C6orf89: variants seen among roughly 807,000 people sequenced by gnomAD.
C6orf89 encodes the protein chromosome 6 open reading frame 89, also known as bombesin receptor-activated protein C6orf89.
In C6orf89, 29 loss-of-function variants were observed where a neutral mutation model predicts 40.7. The ratio of observed to expected loss-of-function variants is 0.71; its 90% CI spans 0.53 to 0.97. C6orf89 has a LOEUF of 0.97. C6orf89 is among the 50% of genes least tolerant of loss of function. The pLI, the probability that C6orf89 is intolerant of heterozygous loss-of-function variation, is 0.00. For missense variants in C6orf89, 392 were observed against 429.1 expected, an observed-to-expected ratio of 0.91 and a Z score of 0.76; for synonymous variants, 165 against 152.2, an observed-to-expected ratio of 1.08 and a Z score of -0.62.
chr6:36,876,903 A>G (rs1023970423), intron 1 of C6orf89, among the ~76,000 whole-genome samples: 2 of 152,196 alleles, frequency 1.3e-5, no homozygotes, highest in African/African-American at 4.8e-5. Flanking sequence ...AATCAAATCA[A>G]GAAATAAAAT....
chr6:36,875,093 C>T, intron 1 of C6orf89: 2 of 360,396 alleles, frequency 5.5e-6, no homozygotes, highest in South Asian at 6.6e-5. Flanking sequence ...AAGCTGCGCT[C>T]TGGTTGGAGT....
In C6orf89 at chr6:36,899,139, G is replaced by A. The variant is rs73732049; in HGVS notation, c.-19-287G>A. On this transcript the variant is annotated intron_variant, in intron 2 of 8. Coordinates refer to ENST00000480824, the MANE Select transcript of C6orf89 (RefSeq NM_001286635.2). ...TCATTAGTGCTTCAGAGTCCCATTAGGATATATTGTGCTCTAGACCAGTGC... is the reference window on the plus strand; with the variant it reads ...TCATTAGTGCTTCAGAGTCCCATTAAGATATATTGTGCTCTAGACCAGTGC... Among the ~76,000 whole-genome samples the A allele has an allele frequency of 5.0e-3, 766 of 152,286 alleles. 4 individuals are homozygous for A. In the Middle Eastern group the frequency reaches 0.054, roughly 11 times the overall value.
chr6:36,877,048 G>C (rs1462861714), intron 1 of C6orf89, among the ~76,000 whole-genome samples: 1 of 152,140 alleles, frequency 6.6e-6, no homozygotes, highest in East Asian at 1.9e-4. Flanking sequence ...GAGTTATAAA[G>C]TACGTATTTT....
At chr6:36,893,029 G>A (rs1761273414) in intron 1 of C6orf89, among the ~76,000 whole-genome samples, 1 of 151,982 alleles carries the variant, frequency 6.6e-6, no homozygotes, top group Non-Finnish European at 1.5e-5. Flanking sequence ...CTGTCTCCTG[G>A]GGTCACGCCA....
intron 4 of C6orf89, among the ~76,000 whole-genome samples, chr6:36,909,565 C>T (rs1474040612): frequency 2.0e-5 from 3 of 151,578 alleles, no homozygotes; most frequent in Non-Finnish European, 2.9e-5. Context: ...ATTTTTTCCC[C>T]ATTAAAAATT....
chr6:36,874,844 T>C, intron 1 of C6orf89: 3 of 1,528,048 alleles, frequency 2.0e-6, no homozygotes, highest in Non-Finnish European at 2.7e-6. Flanking sequence ...GACCCGTCGC[T>C]GCTGCACACT....
rs1365768947 is a variant in C6orf89 at position 36,923,341 on chromosome 6, C to T, written c.950-6C>T. ...ACATGCCTTCCTCTTGCTATTTCCC[C>T]TCAAGGCTATGTCGACACCACCCAC... On this transcript the variant is annotated splice_region_variant and splice_polypyrimidine_tract_variant and intron_variant, in intron 8 of 8. Coordinates refer to ENST00000480824, the MANE Select transcript of C6orf89 (RefSeq NM_001286635.2). 1 of 1,611,792 alleles carries T rather than the reference C, an allele frequency of 6.2e-7. No individual in the cohort carries two copies. Among genetic ancestry groups the T allele is most frequent in the South Asian group, 1.1e-5 (1 of 90,936 alleles).
chr6:36,899,666 A>T (rs1378649528), intron 3 of C6orf89, 33 bp downstream of exon 3: 2 of 1,587,872 alleles, frequency 1.3e-6, no homozygotes, highest in Non-Finnish European at 1.7e-6. Flanking sequence ...AATTGCTTCA[A>T]CAGAACACAA....
chr6:36,878,868 A>G (rs1404048968), intron 1 of C6orf89: 2 of 152,168 alleles, frequency 1.3e-5, no homozygotes, highest in East Asian at 1.9e-4. Context: ...CTTTTTGTCT[A>G]TAAATTTGTT....
At chr6:36,895,300 T>C (rs1761380082) in intron 2 of C6orf89, among the ~76,000 whole-genome samples, 1 of 152,220 alleles carries the variant, frequency 6.6e-6, no homozygotes, top group Non-Finnish European at 1.5e-5. Context: ...TTATTTTTAA[T>C]TGGAAATGCT....
chr6:36,891,352 C>T (rs1761202884), intron 1 of C6orf89, among the ~76,000 whole-genome samples: 2 of 152,260 alleles, frequency 1.3e-5, no homozygotes, highest in Admixed American at 1.3e-4. Flanking sequence ...CATAGTATTC[C>T]ATGGTGTATA....
intron 3 of C6orf89, among the ~76,000 whole-genome samples, chr6:36,901,556 G>A (rs917269204): frequency 8.6e-5 from 12 of 140,340 alleles, no homozygotes; most frequent in African/African-American, 2.9e-4. Context: ...GGATGGTCTC[G>A]ATCTCCTGAC....
chr6:36,905,429 C>T (rs548443655), intron 4 of C6orf89, among the ~76,000 whole-genome samples: 76 of 152,304 alleles, frequency 5.0e-4, no homozygotes, highest in African/African-American at 1.7e-3. Context: ...TTTCTCTTAA[C>T]TCCCTAGTCC....
In C6orf89 at chr6:36,873,811, T is replaced by C. The variant is rs1774572732; in HGVS notation, c.-628+1844T>C. 5.9e-5 allele frequency among the ~76,000 whole-genome samples: 9 copies of C among 152,166 alleles called. 1 individual carries two copies. In the South Asian group the frequency reaches 1.9e-3, roughly 32 times the overall value. On this transcript the variant is annotated intron_variant, in intron 1 of 9. Transcript: ENST00000359359. The stretch of plus-strand genomic sequence containing the variant: ...AAGGCAGAGGACCTTGGCTGGTCCC[T>C]GGCTGTTGAGGGGAGAATGGCAGGT...
At chr6:36,879,601 T>A (rs1774748901) in intron 2 of C6orf89, among the ~76,000 whole-genome samples, 1 of 152,142 alleles carries the variant, frequency 6.6e-6, no homozygotes, top group African/African-American at 2.4e-5. Context: ...GCAAAAAAAA[T>A]TCTGAGGTTA....
intron 4 of C6orf89, among the ~76,000 whole-genome samples, chr6:36,907,511 T>G (rs1251478303): frequency 6.6e-6 from 1 of 152,198 alleles, no homozygotes; most frequent in Non-Finnish European, 1.5e-5. Flanking sequence ...GGTGGATAGT[T>G]ATGGTCTCTG....
intron 2 of C6orf89, among the ~76,000 whole-genome samples, chr6:36,880,667 T>A (rs1183027753): frequency 6.6e-6 from 1 of 152,250 alleles, no homozygotes. Context: ...TAAACTGCTT[T>A]GACTTTTGAA....
chr6:36,914,542 T>C lies in C6orf89; in HGVS notation c.556-12T>C, dbSNP rs904585661. On this transcript the variant is annotated splice_polypyrimidine_tract_variant and intron_variant, in intron 5 of 8. Transcript: ENST00000480824. Reference sequence around the variant, plus strand: ...CTCTGTGTTGTTTTGTTTTGTTTCCTGCCTTGCCAAGACGGGAAAGCCCCT... The same window carrying C: ...CTCTGTGTTGTTTTGTTTTGTTTCCCGCCTTGCCAAGACGGGAAAGCCCCT... 6.2e-7 allele frequency: 1 copy of C among 1,613,672 alleles called. No homozygotes were observed. Among genetic ancestry groups the C allele is most frequent in the African/African-American group, 1.3e-5 (1 of 74,934 alleles).
intron 4 of C6orf89, among the ~76,000 whole-genome samples, chr6:36,906,360 G>T (rs1375809118): frequency 2.0e-5 from 3 of 152,200 alleles, no homozygotes. Flanking sequence ...ACCAGGTACT[G>T]TGCCGTGCAG....
Sources: gnomAD v4.1 joint callset for allele counts (sites outside exome capture counted in the v4.1 genomes callset) on GRCh38, gnomAD v4.1.1 for gene constraint, MANE v1.5 for transcripts, NCBI Gene and HGNC (gene_info 2026-07-23, HGNC 2026-07-21) for gene names.